Variants in ROR2 observed in about 807,000 individuals in gnomAD.
ROR2 encodes the protein tyrosine-protein kinase transmembrane receptor ROR2.
Under a neutral mutation model 74.9 loss-of-function variants are expected in ROR2, and 33 were observed. The observed-to-expected ratio is 0.44, with a 90% CI of 0.33 to 0.59. The LOEUF is 0.59. Ranked by LOEUF, ROR2 falls within the 20% of genes least tolerant of loss-of-function variation. The probability of loss-of-function intolerance (pLI) is 0.02; values close to 1 mark genes in which losing one functional copy is unlikely to be tolerated. For synonymous variants in ROR2, 586 were observed against 558.7 expected, an observed-to-expected ratio of 1.05 and a Z score of -0.69; for missense variants, 1,216 against 1,313.8, an observed-to-expected ratio of 0.93 and a Z score of 1.15.
chr9:91,834,045 G>A (rs1385213666), intron 1 of ROR2, among the ~76,000 whole-genome samples: 1 of 152,178 alleles, frequency 6.6e-6, no homozygotes, highest in Non-Finnish European at 1.5e-5. Context: ...AGACTGTAAA[G>A]CTCATTCCGG....
intron 1 of ROR2, among the ~76,000 whole-genome samples, chr9:91,917,361 G>A (rs1831162596): frequency 1.3e-5 from 2 of 152,106 alleles, no homozygotes; most frequent in African/African-American, 4.8e-5. Context: ...GAGAAACAAC[G>A]CCAAGAAAGA....
At chr9:91,934,294 T>C (rs1219659386) in intron 1 of ROR2, among the ~76,000 whole-genome samples, 1 of 152,226 alleles carries the variant, frequency 6.6e-6, no homozygotes. Context: ...CAGTGAAAAC[T>C]TACAGAAGTC....
At chr9:91,792,648 G>A (rs999620001) in intron 1 of ROR2, among the ~76,000 whole-genome samples, 3 of 152,150 alleles carry the variant, frequency 2.0e-5, no homozygotes, top group Non-Finnish European at 4.4e-5. Flanking sequence ...ACTTTAGCTA[G>A]ACTGACCAAG....
rs1273593078 is a variant in ROR2 at position 91,753,783 on chromosome 9, C to CGTTT, written c.494+2287_494+2288insAAAC. 5.3e-5 allele frequency among the ~76,000 whole-genome samples: 8 copies of CGTTT among 152,244 alleles called. No individual in the cohort carries two copies. The East Asian group carries it at 1.5e-3, about 29-fold the overall frequency. ...ATTTCTGTGAATACTGTTAACTAAA[C>CGTTT]ATGTCAAGTATAGCATCATTTATGT... On this transcript the variant is annotated intron_variant, in intron 4 of 8. Coordinates refer to ENST00000375708, the MANE Select transcript of ROR2 (RefSeq NM_004560.4).
intron 1 of ROR2, among the ~76,000 whole-genome samples, chr9:91,786,325 A>T (rs1475733868): frequency 1.1e-5 from 1 of 90,584 alleles, no homozygotes; most frequent in Non-Finnish European, 2.1e-5. Context: ...AGACTCTGTC[A>T]ATCAATCAAT....
At chr9:91,795,773 G>A (rs1170482714) in intron 1 of ROR2, among the ~76,000 whole-genome samples, 2 of 152,066 alleles carry the variant, frequency 1.3e-5, no homozygotes, top group Non-Finnish European at 2.9e-5. Flanking sequence ...CAGGCTAAAG[G>A]GAAACTCTCA....
At chr9:91,924,023 T>G (rs1831334981) in intron 1 of ROR2, 1 of 152,316 alleles carries the variant, frequency 6.6e-6, no homozygotes, top group Admixed American at 6.5e-5. Flanking sequence ...CAGTCCATAC[T>G]TGGACCCTCA....
Position 91,739,454 on chromosome 9 carries a change from C to T in ROR2, c.495-1936G>A, listed in dbSNP as rs532734718. Among the ~76,000 whole-genome samples, 668 of 149,316 alleles carry T rather than the reference C, an allele frequency of 4.5e-3. 7 individuals are homozygous for T. The highest frequency in any genetic ancestry group is 0.016 in the African/African-American group (632 of 40,280). ...CTGGGAGACAGAGGCTGCAGTGAGC[C>T]GAGATCAAACTACTGGGCTCCAGCC... On this transcript the variant is annotated intron_variant, in intron 4 of 8. Coordinates refer to ENST00000375708, the MANE Select transcript of ROR2 (RefSeq NM_004560.4).
intron 1 of ROR2, among the ~76,000 whole-genome samples, chr9:91,867,129 C>T (rs565135998): frequency 4.5e-4 from 68 of 152,348 alleles, no homozygotes; most frequent in East Asian, 7.7e-4. Flanking sequence ...TCCTTAGCAT[C>T]TCCAGGTTTG....
chr9:91,763,267 C>G (rs1466981638), intron 2 of ROR2, among the ~76,000 whole-genome samples: 1 of 152,134 alleles, frequency 6.6e-6, no homozygotes, highest in East Asian at 1.9e-4. Context: ...ACACCAAACC[C>G]CCACGGCACA....
chr9:91,902,844 G>A (rs945962400), intron 1 of ROR2, among the ~76,000 whole-genome samples: 20 of 152,118 alleles, frequency 1.3e-4, no homozygotes, highest in African/African-American at 4.6e-4. Flanking sequence ...TAAGGGAACC[G>A]GGCCAGTCAC....
chr9:91,824,617 G>A (rs1433866772), intron 1 of ROR2, among the ~76,000 whole-genome samples: 2 of 152,184 alleles, frequency 1.3e-5, no homozygotes, highest in East Asian at 1.9e-4. Context: ...ATGTTTCAAC[G>A]CACACCAAAA....
At chr9:91,944,694 A>T (rs1831966983) in intron 1 of ROR2, among the ~76,000 whole-genome samples, 1 of 152,178 alleles carries the variant, frequency 6.6e-6, no homozygotes, top group Non-Finnish European at 1.5e-5. Flanking sequence ...ACTAAAAAAC[A>T]TTGCTGAAAG....
intron 1 of ROR2, chr9:91,948,475 T>C: frequency 1.4e-6 from 1 of 713,042 alleles, no homozygotes; most frequent in Non-Finnish European, 1.7e-6. Flanking sequence ...CGGTTTATGC[T>C]TTAATGCACA....
intron 1 of ROR2, among the ~76,000 whole-genome samples, chr9:91,832,979 C>T (rs1225040829): frequency 6.6e-6 from 1 of 152,162 alleles, no homozygotes; most frequent in African/African-American, 2.4e-5. Flanking sequence ...CAGCACAGCC[C>T]TCCTGGGTAG....
chr9:91,927,956 A>C (rs1831454122), intron 1 of ROR2, among the ~76,000 whole-genome samples: 1 of 152,078 alleles, frequency 6.6e-6, no homozygotes, highest in Non-Finnish European at 1.5e-5. Context: ...ATGCTCCTGC[A>C]TTTGTGGCCC....
chr9:91,876,886 G>A (rs1443030647), intron 1 of ROR2, among the ~76,000 whole-genome samples: 1 of 152,032 alleles, frequency 6.6e-6, no homozygotes, highest in Non-Finnish European at 1.5e-5. Context: ...TTTCTAAAAG[G>A]ACACGAAGAG....
intron 1 of ROR2, among the ~76,000 whole-genome samples, chr9:91,864,521 T>C (rs538120833): frequency 1.3e-5 from 2 of 152,366 alleles, no homozygotes; most frequent in South Asian, 2.1e-4. Context: ...TAGGATTTTC[T>C]TGCCAAATTT....
chr9:91,754,602 C>T lies in ROR2; in HGVS notation c.494+1469G>A, dbSNP rs147930664. 7.3e-3 allele frequency among the ~76,000 whole-genome samples: 1,109 copies of T among 152,158 alleles called. 11 individuals carry two copies. Among genetic ancestry groups the T allele is most frequent in the African/African-American group, 0.025 (1,031 of 41,494 alleles). On this transcript the variant is annotated intron_variant, in intron 4 of 8. Coordinates refer to ENST00000375708, the MANE Select transcript of ROR2 (RefSeq NM_004560.4). ...CTTGGCAGGCAGAGGTTGCAGTGAG[C>T]GGAGACTGCACCACTGCACTCCAGC...
Sources: allele counts gnomAD v4.1 joint callset (sites outside exome capture counted in the v4.1 genomes callset), GRCh38; gene constraint gnomAD v4.1.1; transcripts MANE v1.5; gene names NCBI Gene and HGNC (gene_info 2026-07-23, HGNC 2026-07-21).